Variants in KBTBD2 observed in about 807,000 individuals in gnomAD.
The protein encoded by KBTBD2 is kelch repeat and BTB domain-containing protein 2.
In KBTBD2, 17 loss-of-function variants were observed where a neutral mutation model predicts 57.1. The ratio of observed to expected loss-of-function variants is 0.30; its 90% confidence interval spans 0.20 to 0.45. The LOEUF (loss-of-function observed/expected upper bound fraction) is 0.45, where lower values mean the gene tolerates loss of function less well. KBTBD2 is among the 20% of genes least tolerant of loss of function. The pLI, the probability that KBTBD2 is intolerant of heterozygous loss-of-function variation, is 1.00. For synonymous variants in KBTBD2, 267 were observed against 262.7 expected (o/e 1.02, Z -0.16); for missense variants, 515 against 750.6 (o/e 0.69, Z 3.67).
chr7:32,872,818 C>T (rs778398123), intron 3 of KBTBD2, among the ~76,000 whole-genome samples: 2 of 152,172 alleles, frequency 1.3e-5, no homozygotes, highest in East Asian at 1.9e-4. Context: ...TGATGTAAAT[C>T]TAACATATAA....
At chr7:32,890,851 G>A (rs569288827) in intron 1 of KBTBD2, 119 of 152,268 alleles carry the variant, frequency 7.8e-4, no homozygotes, top group African/African-American at 2.6e-3. Flanking sequence ...AAAAAAAGAT[G>A]TTAACTCAAA....
chr7:32,880,259 A>G (rs1784413754), intron 1 of KBTBD2, among the ~76,000 whole-genome samples: 1 of 152,166 alleles, frequency 6.6e-6, no homozygotes. Flanking sequence ...TACCAAAGCC[A>G]GATCTCTTAG....
chr7:32,888,995 C>G (rs1336292384), intron 1 of KBTBD2, among the ~76,000 whole-genome samples: 1 of 152,272 alleles, frequency 6.6e-6, no homozygotes, highest in African/African-American at 2.4e-5. Flanking sequence ...TTTCCTCTCA[C>G]CTCTGCGCAG....
chr7:32,875,791 C>CA (rs1784299238), intron 2 of KBTBD2, among the ~76,000 whole-genome samples: 1 of 151,938 alleles, frequency 6.6e-6, no homozygotes, highest in Non-Finnish European at 1.5e-5. Context: ...AAGCCACACA[C>CA]AAAAAACCAC....
intron 1 of KBTBD2, among the ~76,000 whole-genome samples, chr7:32,886,569 G>A (rs1343156457): frequency 6.6e-6 from 1 of 152,170 alleles, no homozygotes; most frequent in Non-Finnish European, 1.5e-5. Context: ...TCAGAGACCT[G>A]AGTGTCCTTG....
intron 1 of KBTBD2, among the ~76,000 whole-genome samples, chr7:32,884,947 C>A (rs946029918): frequency 7.3e-6 from 1 of 137,058 alleles, no homozygotes; most frequent in Non-Finnish European, 1.6e-5. Flanking sequence ...ATTTATATTT[C>A]TTTTATATAT....
Position 32,869,469 on chromosome 7 carries a change from A to G in KBTBD2, c.1748T>C (p.Val583Ala). ...AAGGCAGGATGGATAGAGTTTCCCC[A>G]CAGTGCATCGAAAATCTCTCCCCAA... is the stretch of plus-strand genomic sequence containing the variant. ...WDLGRDFRCT[V>A]GKLYPSCLEE... The change falls in exon 4 of 4, where the codon GTG becomes GCG. Residue 583 changes from valine to alanine, a missense_variant. Transcript: ENST00000304056. 5 of 1,614,114 alleles carry G rather than the reference A, an allele frequency of 3.1e-6. No homozygotes were observed. Among genetic ancestry groups the G allele is most frequent in the Non-Finnish European group, 4.2e-6 (5 of 1,179,980 alleles).
intron 2 of KBTBD2, 134 bp downstream of exon 2, chr7:32,879,301 T>G: frequency 1.5e-4 from 88 of 602,150 alleles, no homozygotes; most frequent in East Asian, 2.6e-4. Flanking sequence ...CATGCAAGAA[T>G]GAGATTTGCC....
rs1051052267 is a variant in KBTBD2, at chr7:32,879,387, TA to T, written c.170+47del. ...ATTGAGATGTGGCTTTTTAAAAAAT[TA>T]AATAACATTTCAAAGAATTTCTATT... On this transcript the variant is annotated intron_variant, in intron 2 of 3. Transcript: ENST00000304056. The T allele has an allele frequency of 3.6e-6, 5 of 1,406,862 alleles. No individual in the cohort carries two copies. The African/African-American group carries it at 7.4e-5, about 21-fold the overall frequency. 87.1% of individuals were successfully genotyped at this position (1,406,862 alleles called of 1,614,324 possible). A position where few individuals can be genotyped will look rare whatever the true frequency, so the allele number is the denominator to read the frequency against.
In KBTBD2 at chr7:32,870,397, C is replaced by T; in HGVS notation, c.820G>A (p.Ala274Thr). 1 of 1,613,728 alleles carries T rather than the reference C, an allele frequency of 6.2e-7. No homozygotes were observed. ...AGACTACAAGGATTTTCTGAAGATG[C>T]TTCAATGAAAATCATCATTTCCTCT... ...TKEEMMIFIE[A>T]SSENPCSLYS... The change falls in exon 4 of 4, where the codon GCA becomes ACA. Residue 274 changes from alanine (A) to threonine (T), a missense_variant. By Grantham distance (58) the Ala-to-Thr change is moderately conservative. Coordinates refer to ENST00000304056, the MANE Select transcript of KBTBD2 (RefSeq NM_015483.3).
chr7:32,886,637 CTG>C (rs1474636145), intron 1 of KBTBD2, among the ~76,000 whole-genome samples: 2 of 152,180 alleles, frequency 1.3e-5, no homozygotes, highest in Non-Finnish European at 2.9e-5. Flanking sequence ...CAAGAGACAA[CTG>C]TGTTTCTATG....
intron 1 of KBTBD2, among the ~76,000 whole-genome samples, chr7:32,880,996 G>A (rs1041307522): frequency 6.6e-6 from 1 of 151,990 alleles, no homozygotes; most frequent in African/African-American, 2.4e-5. Context: ...AGCTACTCAG[G>A]AGGCTGAGGC....
rs1583777023 is a variant in KBTBD2, at chr7:32,874,987, C to T, written c.336+5G>A. On this transcript the variant is annotated splice_donor_5th_base_variant and intron_variant, in intron 3 of 3. Transcript: ENST00000304056. ...CTCCGTCTAAAAAAATATATATATGCTTACCTGTAGGAAGCAAGCTGTTTC... is the reference window on the plus strand; with the variant it reads ...CTCCGTCTAAAAAAATATATATATGTTTACCTGTAGGAAGCAAGCTGTTTC... 6.2e-7 allele frequency: 1 copy of T among 1,613,280 alleles called. No homozygotes were observed. The highest frequency in any genetic ancestry group is 1.3e-5 in the African/African-American group (1 of 75,040).
intron 1 of KBTBD2, among the ~76,000 whole-genome samples, chr7:32,888,928 G>A (rs1429003501): frequency 6.6e-6 from 1 of 152,162 alleles, no homozygotes; most frequent in Non-Finnish European, 1.5e-5. Flanking sequence ...TGCCACCTGC[G>A]ATACAATAAT....
intron 1 of KBTBD2, among the ~76,000 whole-genome samples, chr7:32,885,825 T>C (rs1784566040): frequency 6.6e-6 from 1 of 152,146 alleles, no homozygotes; most frequent in Admixed American, 6.5e-5. Context: ...TGTTTTTGAC[T>C]GATTTGCTTG....
chr7:32,869,116 TA>T lies in KBTBD2; in HGVS notation c.*228del. On this transcript the variant is annotated 3_prime_UTR_variant, in exon 4 of 4. Coordinates refer to ENST00000304056, the MANE Select transcript of KBTBD2 (RefSeq NM_015483.3). ...ATTCTTATACTCTCATGATTACACA[TA>T]AAGTTTCTCAATTATTGAATAATCT... The T allele has an allele frequency of 2.3e-6, 1 of 441,742 alleles. No individual in the cohort carries two copies. The highest frequency in any genetic ancestry group is 4.0e-5 in the East Asian group (1 of 25,314). The allele number at this position is 441,742 out of a possible 1,614,324, so 27.4% of individuals were successfully genotyped here. A position where few individuals can be genotyped will look rare whatever the true frequency, so the allele number is the denominator to read the frequency against.
chr7:32,885,234 T>C (rs1784548382), intron 1 of KBTBD2, among the ~76,000 whole-genome samples: 1 of 151,762 alleles, frequency 6.6e-6, no homozygotes, highest in East Asian at 1.9e-4. Context: ...CTCAAGTTGT[T>C]TCTGCAAGAA....
chr7:32,870,832 T>C lies in KBTBD2; in HGVS notation c.385A>G (p.Asn129Asp). Residue 129 changes from asparagine to aspartate, a missense_variant, in exon 4 of 4, where the codon AAT (asparagine) becomes GAT (aspartate). Asn to Asp is a conservative substitution (Grantham distance 23). Coordinates refer to ENST00000304056, the MANE Select transcript of KBTBD2 (RefSeq NM_015483.3). Reference sequence around the variant, plus strand: ...AACAATCGTACACAATTCTCTGCATTTATTTTTTTAATTAAATATTCTCGA... The same window carrying C: ...AACAATCGTACACAATTCTCTGCATCTATTTTTTTAATTAAATATTCTCGA... Reference protein sequence around the residue: ...RCREYLIKKINAENCVRLLSF... With the variant: ...RCREYLIKKIDAENCVRLLSF... 2 of 1,599,054 alleles carry C rather than the reference T, an allele frequency of 1.3e-6. No homozygotes were observed. Among genetic ancestry groups the C allele is most frequent in the Non-Finnish European group, 1.7e-6 (2 of 1,176,234 alleles).
At chr7:32,881,333 A>C (rs1784440887) in intron 1 of KBTBD2, among the ~76,000 whole-genome samples, 1 of 152,182 alleles carries the variant, frequency 6.6e-6, no homozygotes, top group Non-Finnish European at 1.5e-5. Context: ...AAGGAATTAC[A>C]AATCAGGAAA....
Sources: allele counts gnomAD v4.1 joint callset (sites outside exome capture counted in the v4.1 genomes callset), GRCh38; gene constraint gnomAD v4.1.1; transcripts MANE v1.5; gene names NCBI Gene and HGNC (gene_info 2026-07-23, HGNC 2026-07-21).